Variants in MARF1 observed in about 807,000 individuals in gnomAD.
The protein encoded by MARF1 is limkain-b1.
MARF1 carries 24 observed loss-of-function variants against 168.2 expected under a neutral mutation model. The observed-to-expected ratio is 0.14, with a 90% CI of 0.10 to 0.20. The LOEUF (loss-of-function observed/expected upper bound fraction) is 0.20. MARF1 is among the 10% of genes least tolerant of loss of function. The pLI is 1.00. For synonymous variants in MARF1, 868 were observed against 822.4 expected (o/e 1.06, Z -0.95); for missense variants, 1,744 against 2,143.6 (o/e 0.81, Z 3.68).
At chr16:15,614,661 C>T (rs1168639798) in intron 16 of MARF1, among the ~76,000 whole-genome samples, 6 of 151,226 alleles carry the variant, frequency 4.0e-5, no homozygotes, top group Admixed American at 4.0e-4. Flanking sequence ...GGCGTGGTGG[C>T]GGGCGCCTGT....
intron 6 of MARF1, 66 bp from the exon 7 acceptor site, chr16:15,630,570 C>T (rs1337626556): frequency 1.1e-5 from 16 of 1,421,326 alleles, no homozygotes; most frequent in Non-Finnish European, 1.5e-5. Context: ...AGACAGACAA[C>T]TCTATTGACA....
At chr16:15,615,375 C>G (rs2033960519) in intron 16 of MARF1, among the ~76,000 whole-genome samples, 1 of 152,106 alleles carries the variant, frequency 6.6e-6, no homozygotes, top group South Asian at 2.1e-4. Flanking sequence ...CCTGTAATCC[C>G]AGCACTTTGG....
intron 21 of MARF1, among the ~76,000 whole-genome samples, chr16:15,604,685 C>G (rs2032850253): frequency 6.6e-6 from 1 of 152,092 alleles, no homozygotes; most frequent in South Asian, 2.1e-4. Flanking sequence ...TTCATTCATT[C>G]TTTCCAAACC....
rs2151159856 is a variant in MARF1, at chr16:15,617,503, T to C, written c.2753A>G (p.Tyr918Cys). The C allele has an allele frequency of 3.7e-6, 6 of 1,613,462 alleles. No individual in the cohort carries two copies. The highest frequency in any genetic ancestry group is 5.1e-6 in the Non-Finnish European group (6 of 1,179,976). Residue 918 changes from tyrosine (Y) to cysteine (C), a missense_variant, in exon 14 of 27, where the codon TAT (tyrosine) becomes TGT (cysteine). Around this residue, in one of 7 missense-constraint regions of MARF1, gnomAD observed 543 missense variants for 742.1 expected, o/e 0.73. Coordinates refer to ENST00000396368, the MANE Select transcript of MARF1 (RefSeq NM_014647.4). ...GATTGCGACCGTGTCTGTTAATTTA[T>C]ATAGATCTGACACATTCAACTTGTG... The part of the protein sequence containing the change: ...FGHKLNVSDL[Y>C]KLTDTVAIRE...
chr16:15,596,507 A>C lies in MARF1; in HGVS notation c.*186T>G. ...GAAAAAAGAAAGAAAAAGGAAGAAG[A>C]AAAGAAAGACTTCAGCTCAAAGCTG... On this transcript the variant is annotated 3_prime_UTR_variant, in exon 27 of 27. Coordinates refer to ENST00000396368, the MANE Select transcript of MARF1 (RefSeq NM_014647.4). The C allele has an allele frequency of 2.2e-6, 1 of 462,146 alleles. No individual in the cohort carries two copies. The highest frequency in any genetic ancestry group is 3.7e-6 in the Non-Finnish European group (1 of 270,134). The allele number at this position is 462,146 out of a possible 1,614,324, so 28.6% of individuals were successfully genotyped here.
chr16:15,620,764 T>C (rs1374766954), intron 12 of MARF1, among the ~76,000 whole-genome samples: 2 of 152,170 alleles, frequency 1.3e-5, no homozygotes, highest in Non-Finnish European at 2.9e-5. Context: ...TCCACACCAG[T>C]GGAGCAGAAA....
At chr16:15,603,451 G>A (rs2032708009) in intron 22 of MARF1, among the ~76,000 whole-genome samples, 1 of 152,076 alleles carries the variant, frequency 6.6e-6, no homozygotes, top group Non-Finnish European at 1.5e-5. Flanking sequence ...TGGGATTATA[G>A]ACGTGTACCA....
At chr16:15,637,116 C>A (rs2035649969) in intron 2 of MARF1, among the ~76,000 whole-genome samples, 1 of 152,172 alleles carries the variant, frequency 6.6e-6, no homozygotes, top group Non-Finnish European at 1.5e-5. Flanking sequence ...GTTGTATGAC[C>A]TTGGGTAAGT....
At chr16:15,617,625 C>A in intron 13 of MARF1, 90 bp from the exon 14 acceptor site, 1 of 836,634 alleles carries the variant, frequency 1.2e-6, no homozygotes, top group Non-Finnish European at 1.9e-6. Context: ...GAACAATAAC[C>A]AAGAATGGTT....
intron 16 of MARF1, among the ~76,000 whole-genome samples, chr16:15,615,587 T>C (rs1047371967): frequency 6.6e-6 from 1 of 152,012 alleles, no homozygotes; most frequent in African/African-American, 2.4e-5. Context: ...ATCGCACCAC[T>C]GCACTCCAGC....
Position 15,612,540 on chromosome 16 carries a change from C to A in MARF1, c.3474+17G>T. ...ACATTCCTGCCTGTAAACAAGTAAT[C>A]CCGTGACACGCCTTACCTGCAATAC... On this transcript the variant is annotated intron_variant, in intron 17 of 26. Coordinates refer to ENST00000396368, the MANE Select transcript of MARF1 (RefSeq NM_014647.4). 6.2e-7 allele frequency: 1 copy of A among 1,601,844 alleles called. No homozygotes were observed. Among genetic ancestry groups the A allele is most frequent in the Non-Finnish European group, 8.6e-7 (1 of 1,168,834 alleles).
chr16:15,605,808 C>T (rs1363055673), intron 21 of MARF1: 1 of 152,410 alleles, frequency 6.6e-6, no homozygotes, highest in African/African-American at 2.4e-5. Context: ...TCTCCCCATT[C>T]TTGCTGCTCA....
rs772886811 is a variant in MARF1 at position 15,634,824 on chromosome 16, G to C, written c.939C>G (p.Thr313=). Residue 313 remains threonine (T), a synonymous_variant, in exon 4 of 27, where the codon ACC becomes ACG. Transcript: ENST00000396368. ...LAVPLCNGCG[T]KGTGKETTLL... is the part of the protein sequence containing the mutation. ...ACGTGGTCTCCTTCCCTGTTCCTTT[G>C]GTTCCACAGCCATTACACAGAGGGA... 1.7e-5 allele frequency: 27 copies of C among 1,613,882 alleles called. No homozygotes were observed. The highest frequency in any genetic ancestry group is 2.3e-5 in the Non-Finnish European group (27 of 1,179,928).
At chr16:15,603,766 T>A (rs2285048) in intron 22 of MARF1, among the ~76,000 whole-genome samples, 71,375 of 151,546 alleles carry the variant, frequency 0.47, 17,303 homozygotes, top group Middle Eastern at 0.59. Context: ...AAAGGCTGCC[T>A]GGGGGACTGG....
chr16:15,642,797 G>A (rs1372336230), intron 1 of MARF1, among the ~76,000 whole-genome samples: 2 of 152,216 alleles, frequency 1.3e-5, no homozygotes, highest in Non-Finnish European at 2.9e-5. Context: ...AAGGGGAACA[G>A]CGGCGCCAAC....
chr16:15,620,409 A>C (rs1452657108), intron 13 of MARF1, 42 bp downstream of exon 13: 22 of 1,263,508 alleles, frequency 1.7e-5, no homozygotes, highest in Non-Finnish European at 2.4e-5. Flanking sequence ...GTAAGCCACC[A>C]ATCAGTACTG....
At chr16:15,635,568 T>A (rs567430581) in intron 3 of MARF1, 88 bp downstream of exon 3, 1 of 1,183,118 alleles carries the variant, frequency 8.5e-7, no homozygotes, top group Admixed American at 2.2e-5. Context: ...TTCAACCCCA[T>A]GTATAATACT....
rs763187827 is a variant in MARF1 at position 15,630,428 on chromosome 16, G to A, written c.1428C>T (p.Asn476=). The A allele has an allele frequency of 3.7e-6, 6 of 1,614,028 alleles. No homozygotes were observed. In the South Asian group the frequency reaches 5.5e-5, roughly 15 times the overall value. The change falls in exon 7 of 27, where the codon AAC becomes AAT. Residue 476 remains asparagine, a synonymous_variant. Transcript: ENST00000396368. The stretch of plus-strand genomic sequence containing the variant: ...GATGCAGCAGTGCTTCTGAGGCCTG[G>A]TTTTTATGGACCAAAATAATGTGGA... ...HGFHIILVHK[N]QASEALLHHA... is the part of the protein sequence containing the mutation.
chr16:15,606,541 C>CCT (rs1305057731), intron 21 of MARF1, among the ~76,000 whole-genome samples: 5 of 152,060 alleles, frequency 3.3e-5, no homozygotes, highest in Admixed American at 2.6e-4. Context: ...CCCTGCCTCT[C>CCT]CTCTCTCTCT....
Sources: gnomAD v4.1 joint callset for allele counts (sites outside exome capture counted in the v4.1 genomes callset) on GRCh38, gnomAD v4.1.1 for gene constraint, gnomAD v4.1.1 regional missense constraint, MANE v1.5 for transcripts, NCBI Gene and HGNC (gene_info 2026-07-23, HGNC 2026-07-21) for gene names.